The following OPRL1 variants were observed in gnomAD, a reference collection of about 807,000 sequenced individuals.
OPRL1 encodes opioid related nociceptin receptor 1, also known as nociceptin receptor.
A neutral mutation model predicts 15.5 loss-of-function variants in OPRL1; 5 were observed. The ratio of observed to expected loss-of-function variants is 0.32; its 90% CI spans 0.17 to 0.68. The LOEUF is 0.68. Ranked by LOEUF, OPRL1 falls within the 30% of genes least tolerant of loss-of-function variation. OPRL1 has a pLI of 0.72. For synonymous variants in OPRL1, 223 were observed against 230.2 expected (o/e 0.97, Z 0.28); for missense variants, 406 against 515.3 (o/e 0.79, Z 2.05).
intron 1 of OPRL1, among the ~76,000 whole-genome samples, chr20:64,081,959 G>C (rs1382847870): frequency 6.6e-6 from 1 of 152,224 alleles, no homozygotes; most frequent in Non-Finnish European, 1.5e-5. Flanking sequence ...ACTTGCTGCT[G>C]TGGGGTACTG....
rs1393495056 is a variant in OPRL1, at chr20:64,099,979, G to A, written c.*1180G>A. The A allele has an allele frequency of 6.6e-6, 1 of 152,014 alleles. No individual in the cohort carries two copies. Among genetic ancestry groups the A allele is most frequent in the Non-Finnish European group, 1.5e-5 (1 of 68,034 alleles). 9.4% of individuals were successfully genotyped at this position (152,014 alleles called of 1,614,324 possible). On this transcript the variant is annotated 3_prime_UTR_variant, in exon 5 of 5. Coordinates refer to ENST00000336866, the MANE Select transcript of OPRL1 (RefSeq NM_182647.4). ...TTTACAAGCCTCAAGATGGCTCTGT[G>A]TAGGGCCTGAGCTTGCTGCCCAACG...
chr20:64,092,589 G>A lies in OPRL1; in HGVS notation c.-33-99G>A, dbSNP rs1029887440. ...TCAGTGTCTGTGGCTGCCCAGCGTG[G>A]GGGTCCATGTGCCTGCTGGGCTGCA... is the stretch of plus-strand genomic sequence containing the variant. On this transcript the variant is annotated intron_variant, in intron 2 of 4. Transcript: ENST00000336866. 2.0e-5 allele frequency: 17 copies of A among 843,702 alleles called. No homozygotes were observed. In the African/African-American group the frequency reaches 2.9e-4, roughly 14 times the overall value. The allele number at this position is 843,702 out of a possible 1,614,324, so 52.3% of individuals were successfully genotyped here.
chr20:64,083,499 C>A lies in OPRL1; in HGVS notation c.-185+3147C>A. 1 of 1,587,212 alleles carries A rather than the reference C, an allele frequency of 6.3e-7. No homozygotes were observed. The highest frequency in any genetic ancestry group is 8.6e-7 in the Non-Finnish European group (1 of 1,168,140). ...GATGGTCTCCACGCGCCTCCGCTGC[C>A]GGGGAGAGAGGCTGGGGTCCGGCGT... On this transcript the variant is annotated intron_variant, in intron 1 of 4. Coordinates refer to ENST00000336866, the MANE Select transcript of OPRL1 (RefSeq NM_182647.4). This position sits in a 1 kb window ranked among gnomAD's most constrained non-coding sequence, Gnocchi z 4.9.
In OPRL1 at chr20:64,098,280, C is replaced by G. The variant is rs145287059; in HGVS notation, c.594C>G (p.Ile198Met). 1 of 1,612,978 alleles carries G rather than the reference C, an allele frequency of 6.2e-7. No individual in the cohort carries two copies. Among genetic ancestry groups the G allele is most frequent in the Admixed American group, 1.7e-5 (1 of 59,972 alleles). The change falls in exon 5 of 5, where the codon ATC becomes ATG. Residue 198 changes from isoleucine (I) to methionine (M), a missense_variant. By Grantham distance (10) the Ile-to-Met change is conservative (BLOSUM62 1). Coordinates refer to ENST00000336866, the MANE Select transcript of OPRL1 (RefSeq NM_182647.4). Reference sequence around the variant, plus strand: ...ACCCCGTTTCTCTCCCTGCAGAGATCGAGTGCCTGGTGGAGATCCCTACCC... The same window carrying G: ...ACCCCGTTTCTCTCCCTGCAGAGATGGAGTGCCTGGTGGAGATCCCTACCC... ...MGSAQVEDEE[I>M]ECLVEIPTPQ...
intron 1 of OPRL1, chr20:64,084,206 G>T: frequency 7.0e-7 from 1 of 1,419,766 alleles, no homozygotes; most frequent in South Asian, 1.5e-5. Context: ...GCCCTCCTTC[G>T]CTGGCGGCGG....
At chr20:64,095,833 G>T (rs1486057244) in intron 3 of OPRL1, among the ~76,000 whole-genome samples, 1 of 152,038 alleles carries the variant, frequency 6.6e-6, no homozygotes, top group East Asian at 1.9e-4. Context: ...CACCATCCTA[G>T]CCCTGTCCTC....
At chr20:64,084,225 C>T (rs373109869) in intron 1 of OPRL1, 24 of 1,389,132 alleles carry the variant, frequency 1.7e-5, no homozygotes, top group Non-Finnish European at 2.0e-5. Flanking sequence ...GGCATCCTCC[C>T]GCCCTGCGGA....
At position 64,097,959 on chromosome 20, in the gene OPRL1, T is replaced by C; in HGVS notation, c.391T>C (p.Tyr131His). The part of the protein sequence containing the change: ...ALCKTVIAID[Y>H]YNMFTSTFTL... ...GTGCAAGACAGTCATTGCCATTGACTACTACAACATGTTCACCAGCACCTT... is the reference window on the plus strand; with the variant it reads ...GTGCAAGACAGTCATTGCCATTGACCACTACAACATGTTCACCAGCACCTT... Residue 131 changes from tyrosine (Y) to histidine (H), a missense_variant, in exon 4 of 5, where the codon TAC (tyrosine) becomes CAC (histidine). Tyr to His is a moderately conservative substitution (Grantham distance 83, BLOSUM62 2). Coordinates refer to ENST00000336866, the MANE Select transcript of OPRL1 (RefSeq NM_182647.4). The surrounding 1 kb of genome is among the most constrained non-coding windows in gnomAD (Gnocchi z 4.2). 1 of 1,613,744 alleles carries C rather than the reference T, an allele frequency of 6.2e-7. No homozygotes were observed. The highest frequency in any genetic ancestry group is 8.5e-7 in the Non-Finnish European group (1 of 1,180,036).
At chr20:64,082,642 G>C (rs1475930828) in intron 1 of OPRL1, among the ~76,000 whole-genome samples, 1 of 152,204 alleles carries the variant, frequency 6.6e-6, no homozygotes, top group African/African-American at 2.4e-5. Context: ...GGGGGCCTAG[G>C]GAAGCCCCAG....
chr20:64,087,167 C>A (rs1569271124), intron 1 of OPRL1, among the ~76,000 whole-genome samples: 1 of 137,180 alleles, frequency 7.3e-6, no homozygotes, highest in Non-Finnish European at 1.6e-5. Flanking sequence ...TCCTCGCACA[C>A]AAGCTCTGTG....
In OPRL1 at chr20:64,086,449, C is replaced by A. The variant is rs559238269; in HGVS notation, c.-184-5517C>A. 136 of 194,836 alleles carry A rather than the reference C, an allele frequency of 7.0e-4. 1 individual carries two copies. The highest frequency in any genetic ancestry group is 3.1e-3 in the African/African-American group (130 of 42,372). The allele number at this position is 194,836 out of a possible 1,614,324, so 12.1% of individuals were successfully genotyped here. A position where few individuals can be genotyped will look rare whatever the true frequency, so the allele number is the denominator to read the frequency against. On this transcript the variant is annotated intron_variant, in intron 1 of 4. Coordinates refer to ENST00000336866, the MANE Select transcript of OPRL1 (RefSeq NM_182647.4). ...GAGGTGTTCTCTGTGTGTTTGGGGT[C>A]CAGCAACTGTGAGGGACCCAGCAGG...
rs1410167932 is a variant in OPRL1 at position 64,090,211 on chromosome 20, G to A, written c.-184-1755G>A. ...AGTGTGTACCCATCCATGTCTCTGT[G>A]TGTTCACCCGTATGCCTGTCTGGGC... On this transcript the variant is annotated intron_variant, in intron 1 of 4. Coordinates refer to ENST00000336866, the MANE Select transcript of OPRL1 (RefSeq NM_182647.4). This position sits in a 1 kb window ranked among gnomAD's most constrained non-coding sequence, Gnocchi z 4.9. Among the ~76,000 whole-genome samples the A allele has an allele frequency of 6.6e-6, 1 of 152,200 alleles. No homozygotes were observed. Among genetic ancestry groups the A allele is most frequent in the Non-Finnish European group, 1.5e-5 (1 of 68,044 alleles).
chr20:64,083,477 G>A lies in OPRL1; in HGVS notation c.-185+3125G>A, dbSNP rs144715439. On this transcript the variant is annotated intron_variant, in intron 1 of 4. Coordinates refer to ENST00000336866, the MANE Select transcript of OPRL1 (RefSeq NM_182647.4). This position sits in a 1 kb window ranked among gnomAD's most constrained non-coding sequence, Gnocchi z 4.9. ...TGCCATCCACGTTCTCCTCCAGGAT[G>A]GTCTCCACGCGCCTCCGCTGCCGGG... is the stretch of plus-strand genomic sequence containing the variant. 29 of 1,601,828 alleles carry A rather than the reference G, an allele frequency of 1.8e-5. No homozygotes were observed. In the African/African-American group the frequency reaches 3.4e-4, roughly 19 times the overall value.
rs1471923767 is a variant in OPRL1 at position 64,096,849 on chromosome 20, C to G, written c.234-953C>G. 2.1e-5 allele frequency among the ~76,000 whole-genome samples: 3 copies of G among 144,002 alleles called. No homozygotes were observed. In the Admixed American group the frequency reaches 2.2e-4, roughly 11 times the overall value. 94.5% of individuals were successfully genotyped at this position (144,002 alleles called of 152,430 possible). ...TCACCATCATCATCATGACCATCACCACCATCACCACTATCACCACCACCA... is the reference window on the plus strand; with the variant it reads ...TCACCATCATCATCATGACCATCACGACCATCACCACTATCACCACCACCA... On this transcript the variant is annotated intron_variant, in intron 3 of 4. Transcript: ENST00000336866.
Position 64,083,391 on chromosome 20 carries a change from C to T in OPRL1, c.-185+3039C>T. The T allele has an allele frequency of 1.2e-6, 2 of 1,611,230 alleles. No homozygotes were observed. Among genetic ancestry groups the T allele is most frequent in the Non-Finnish European group, 1.7e-6 (2 of 1,179,320 alleles). On this transcript the variant is annotated intron_variant, in intron 1 of 4. Transcript: ENST00000336866. The surrounding 1 kb of genome is among the most constrained non-coding windows in gnomAD (Gnocchi z 4.9). ...CCAGCGAGCCTTCGGAGAATTATAA[C>T]TTTATGTGGGAGGCTGGGGCGCGTC...
intron 1 of OPRL1, among the ~76,000 whole-genome samples, chr20:64,086,834 G>A (rs2060056628): frequency 6.6e-6 from 1 of 152,206 alleles, no homozygotes; most frequent in Admixed American, 6.5e-5. Flanking sequence ...CAGACCCTCT[G>A]CCTTGATTCC....
chr20:64,083,324 TC>T lies in OPRL1; in HGVS notation c.-185+2976del. 1 of 1,508,282 alleles carries T rather than the reference TC, an allele frequency of 6.6e-7. No homozygotes were observed. Among genetic ancestry groups the T allele is most frequent in the Non-Finnish European group, 9.1e-7 (1 of 1,103,220 alleles). 93.4% of individuals were successfully genotyped at this position (1,508,282 alleles called of 1,614,324 possible). A position where few individuals can be genotyped will look rare whatever the true frequency, so the allele number is the denominator to read the frequency against. ...TGCATGGGAGAGGCAGCGTCCATAC[TC>T]CCCGCTTCCCTCGGGGTCCTGGGGA... is the stretch of plus-strand genomic sequence containing the variant. On this transcript the variant is annotated intron_variant, in intron 1 of 4. Coordinates refer to ENST00000336866, the MANE Select transcript of OPRL1 (RefSeq NM_182647.4). This position sits in a 1 kb window ranked among gnomAD's most constrained non-coding sequence, Gnocchi z 4.9.
chr20:64,081,829 G>A (rs2059971299), intron 1 of OPRL1, among the ~76,000 whole-genome samples: 1 of 152,144 alleles, frequency 6.6e-6, no homozygotes, highest in Non-Finnish European at 1.5e-5. Context: ...GCCTGACCCT[G>A]GTGCAGTCAC....
rs2060094849 is a variant in OPRL1 at position 64,089,060 on chromosome 20, G to A, written c.-184-2906G>A. Among the ~76,000 whole-genome samples the A allele has an allele frequency of 6.9e-6, 1 of 144,816 alleles. No homozygotes were observed. Among genetic ancestry groups the A allele is most frequent in the Admixed American group, 7.0e-5 (1 of 14,244 alleles). On this transcript the variant is annotated intron_variant, in intron 1 of 4. Transcript: ENST00000336866. The surrounding 1 kb of genome is among the most constrained non-coding windows in gnomAD (Gnocchi z 5.5). ...GCAAGGTCTGTACCGTGGGCTAGGG[G>A]TCTATGTGGGTGGGGGGCAGGTTCT...
Sources: gnomAD v4.1 joint callset for allele counts (sites outside exome capture counted in the v4.1 genomes callset) on GRCh38, gnomAD v4.1.1 for gene constraint, Gnocchi (gnomAD v3.1) non-coding constraint, MANE v1.5 for transcripts, NCBI Gene and HGNC (gene_info 2026-07-23, HGNC 2026-07-21) for gene names.